EFCAB6: variants seen among roughly 807,000 people sequenced by gnomAD.
EFCAB6 encodes the protein EF-hand calcium binding domain 6, also known as EF-hand calcium-binding domain-containing protein 6.
EFCAB6 carries 156 observed loss-of-function variants against 169.8 expected under a neutral mutation model. That is an observed-to-expected ratio of 0.92 (90% CI 0.81 to 1.05). EFCAB6 has a LOEUF of 1.05. Ranked by LOEUF, EFCAB6 falls within the 50% of genes least tolerant of loss-of-function variation. The pLI is 0.00. For synonymous variants in EFCAB6, 698 were observed against 676.4 expected (o/e 1.03, Z -0.50); for missense variants, 1,800 against 1,829.1 (o/e 0.98, Z 0.29).
rs368817014 is a variant in EFCAB6, at chr22:43,773,028, C to G, written c.215G>C (p.Gly72Ala). 2.5e-5 allele frequency: 40 copies of G among 1,614,042 alleles called. No homozygotes were observed. Among genetic ancestry groups the G allele is most frequent in the Non-Finnish European group, 3.0e-5 (35 of 1,180,038 alleles). Residue 72 changes from glycine to alanine, a missense_variant, in exon 4 of 32, where the codon GGG becomes GCG. Physicochemically the swap from Gly to Ala is moderately conservative, Grantham distance 60. Transcript: ENST00000262726. ...RILFQKITDR[G>A]DELQKAFQLL... ...CTGAAAGGCTTTTTGCAACTCATCC[C>G]CTCTGTCGGTAATTTTTTGAAATAA... is the stretch of plus-strand genomic sequence containing the variant.
intron 10 of EFCAB6, among the ~76,000 whole-genome samples, chr22:43,707,608 G>A (rs567548373): frequency 6.6e-6 from 1 of 152,248 alleles, no homozygotes; most frequent in African/African-American, 2.4e-5. Flanking sequence ...GTACCTTCGT[G>A]GTACTAAAAG....
chr22:43,553,147 T>G (rs373457590), intron 27 of EFCAB6: 2 of 152,164 alleles, frequency 1.3e-5, no homozygotes, highest in African/African-American at 2.4e-5. Flanking sequence ...CGCTTCCCTA[T>G]GAATACTTCC....
chr22:43,576,909 G>A (rs1438044703), intron 25 of EFCAB6, among the ~76,000 whole-genome samples: 4 of 152,126 alleles, frequency 2.6e-5, no homozygotes, highest in Non-Finnish European at 5.9e-5. Flanking sequence ...TGTAACAGGA[G>A]GCTCAGGAGA....
At chr22:43,547,506 G>C (rs1431435780) in intron 27 of EFCAB6, among the ~76,000 whole-genome samples, 1 of 152,034 alleles carries the variant, frequency 6.6e-6, no homozygotes, top group African/African-American at 2.4e-5. Flanking sequence ...TTGGGAGTCC[G>C]AGGCAGGTGA....
chr22:43,712,925 TA>T (rs1218932829), intron 9 of EFCAB6, among the ~76,000 whole-genome samples: 1 of 152,062 alleles, frequency 6.6e-6, no homozygotes, highest in Non-Finnish European at 1.5e-5. Flanking sequence ...ATATAGAAAG[TA>T]CAAGCCTTTG....
chr22:43,580,896 G>A (rs67229112), intron 24 of EFCAB6, among the ~76,000 whole-genome samples: 5,939 of 152,298 alleles, frequency 0.039, 126 homozygotes, highest in African/African-American at 0.051. Context: ...ACTGACGGCC[G>A]GAGGGCCACA....
intron 26 of EFCAB6, among the ~76,000 whole-genome samples, chr22:43,566,533 G>A (rs2049442275): frequency 6.6e-6 from 1 of 152,148 alleles, no homozygotes; most frequent in Admixed American, 6.5e-5. Flanking sequence ...ACCCTGAGAG[G>A]CAGCCGTGGC....
At chr22:43,706,634 A>G (rs2058970289) in intron 10 of EFCAB6, among the ~76,000 whole-genome samples, 1 of 152,236 alleles carries the variant, frequency 6.6e-6, no homozygotes, top group Non-Finnish European at 1.5e-5. Flanking sequence ...GATGGCAGAC[A>G]AACAGTTAAA....
At chr22:43,569,322 A>G (rs1260816732) in intron 26 of EFCAB6, among the ~76,000 whole-genome samples, 1 of 152,250 alleles carries the variant, frequency 6.6e-6, no homozygotes, top group African/African-American at 2.4e-5. Flanking sequence ...CCAACTTTCC[A>G]TGATGATGTG....
intron 17 of EFCAB6, among the ~76,000 whole-genome samples, chr22:43,648,774 G>A (rs1291791111): frequency 6.6e-6 from 1 of 152,176 alleles, no homozygotes. Context: ...TTTGAGCCCT[G>A]GCAGCCTAGC....
intron 5 of EFCAB6, among the ~76,000 whole-genome samples, chr22:43,762,207 G>T (rs2061185373): frequency 6.6e-6 from 1 of 152,150 alleles, no homozygotes; most frequent in Non-Finnish European, 1.5e-5. Flanking sequence ...GAAATAGGTG[G>T]TTTTCCTCAG....
At chr22:43,545,565 A>G (rs903947558) in intron 27 of EFCAB6, among the ~76,000 whole-genome samples, 4 of 152,218 alleles carry the variant, frequency 2.6e-5, no homozygotes, top group African/African-American at 7.2e-5. Context: ...TGGGAGGCCA[A>G]AGTTTTGCGG....
At chr22:43,678,551 G>A (rs1274666122) in intron 12 of EFCAB6, among the ~76,000 whole-genome samples, 1 of 152,072 alleles carries the variant, frequency 6.6e-6, no homozygotes. Context: ...ACCACATGGG[G>A]CACAAAACTT....
chr22:43,782,708 G>A (rs1291711843), intron 2 of EFCAB6, among the ~76,000 whole-genome samples: 1 of 152,174 alleles, frequency 6.6e-6, no homozygotes, highest in African/African-American at 2.4e-5. Context: ...AAGCTGGGAT[G>A]ACAGGAGCGA....
At chr22:43,763,520 C>G (rs958614937) in intron 5 of EFCAB6, among the ~76,000 whole-genome samples, 1 of 152,168 alleles carries the variant, frequency 6.6e-6, no homozygotes, top group Non-Finnish European at 1.5e-5. Context: ...CCCCACGACA[C>G]AAATTCTTAC....
At chr22:43,702,350 C>A (rs2058797236) in intron 10 of EFCAB6, among the ~76,000 whole-genome samples, 1 of 152,192 alleles carries the variant, frequency 6.6e-6, no homozygotes, top group Non-Finnish European at 1.5e-5. Flanking sequence ...AACTAGCAAC[C>A]ATTCACAGAC....
intron 8 of EFCAB6, among the ~76,000 whole-genome samples, chr22:43,730,465 A>G (rs1304934532): frequency 6.6e-6 from 1 of 151,614 alleles, no homozygotes; most frequent in Non-Finnish European, 1.5e-5. Flanking sequence ...TGGACATTAT[A>G]TCCAAGATAT....
chr22:43,620,288 G>A (rs2054028550), intron 20 of EFCAB6, among the ~76,000 whole-genome samples: 1 of 151,960 alleles, frequency 6.6e-6, no homozygotes, highest in South Asian at 2.1e-4. Context: ...CAGTCTGGGT[G>A]ACAGAGTGAG....
chr22:43,642,663 G>A (rs547809487), intron 17 of EFCAB6, among the ~76,000 whole-genome samples: 27 of 152,256 alleles, frequency 1.8e-4, no homozygotes, highest in Admixed American at 4.6e-4. Flanking sequence ...GTACTTGAAC[G>A]GAAAATTCAA....
Sources: allele counts gnomAD v4.1 joint callset (sites outside exome capture counted in the v4.1 genomes callset), GRCh38; gene constraint gnomAD v4.1.1; transcripts MANE v1.5; gene names NCBI Gene and HGNC (gene_info 2026-07-23, HGNC 2026-07-21).